ADAM11: variants seen among roughly 807,000 people sequenced by gnomAD.
ADAM11 encodes the protein ADAM metallopeptidase domain 11, also known as disintegrin and metalloproteinase domain-containing protein 11.
ADAM11 carries 49 observed loss-of-function variants against 119.1 expected under a neutral mutation model. That is an observed-to-expected ratio of 0.41 (90% confidence interval 0.33 to 0.52). The LOEUF is 0.52. Ranked by LOEUF, ADAM11 falls within the 20% of genes least tolerant of loss-of-function variation. The probability of loss-of-function intolerance (pLI) is 0.20; values close to 1 mark genes in which losing one functional copy is unlikely to be tolerated. For missense variants in ADAM11, 777 were observed against 1,047.5 expected, an observed-to-expected ratio of 0.74 and a Z score of 3.56; for synonymous variants, 364 against 408.0, an observed-to-expected ratio of 0.89 and a Z score of 1.30.
chr17:44,781,481 T>TG lies in ADAM11; in HGVS notation c.*1728dup, dbSNP rs2145257110. 1 of 152,438 alleles carries TG rather than the reference T, an allele frequency of 6.6e-6. No homozygotes were observed. The highest frequency in any genetic ancestry group is 1.9e-4 in the East Asian group (1 of 5,184). 9.4% of individuals were successfully genotyped at this position (152,438 alleles called of 1,614,324 possible). A position where few individuals can be genotyped will look rare whatever the true frequency, so the allele number is the denominator to read the frequency against. ...TATTGCTGCGCTGCCTTAAGGCATC[T>TG]GTCCTCTGGTGGTGCACCCGTGCAC... On this transcript the variant is annotated 3_prime_UTR_variant, in exon 27 of 27. Coordinates refer to ENST00000200557, the MANE Select transcript of ADAM11 (RefSeq NM_002390.6).
chr17:44,774,805 G>A, intron 14 of ADAM11, 56 bp downstream of exon 14: 5 of 1,574,576 alleles, frequency 3.2e-6, no homozygotes, highest in South Asian at 2.4e-5. Flanking sequence ...GTCTTAGAGC[G>A]AGCATTGTTT....
rs751824828 is a variant in ADAM11, at chr17:44,773,382, G to A, written c.947G>A (p.Arg316Gln). The A allele has an allele frequency of 2.2e-5, 35 of 1,613,786 alleles. No homozygotes were observed. Among genetic ancestry groups the A allele is most frequent in the East Asian group, 1.6e-4 (7 of 44,894 alleles). ...ACCCTGGCCCGGCTCATGGTCTACC[G>A]ACGGGAGGGTCTGCCTGAGCCCAGT... is the stretch of plus-strand genomic sequence containing the variant. ...LETLARLMVY[R>Q]REGLPEPSDA... Residue 316 changes from arginine (R) to glutamine (Q), a missense_variant, in exon 11 of 27, where the codon CGA becomes CAA. By Grantham distance (43) the Arg-to-Gln change is conservative. Coordinates refer to ENST00000200557, the MANE Select transcript of ADAM11 (RefSeq NM_002390.6). The surrounding 1 kb of genome is among the most constrained non-coding windows in gnomAD (Gnocchi z 4.6).
Position 44,773,153 on chromosome 17 carries a change from G to A in ADAM11, c.825+68G>A. The A allele has an allele frequency of 6.3e-7, 1 of 1,594,860 alleles. No homozygotes were observed. Among genetic ancestry groups the A allele is most frequent in the Non-Finnish European group, 8.6e-7 (1 of 1,164,108 alleles). Reference sequence around the variant, plus strand: ...CCCACCCCACCACACACATTAGGGGGCACTGTCAGCCCCTGGCTCCCACTT... The same window carrying A: ...CCCACCCCACCACACACATTAGGGGACACTGTCAGCCCCTGGCTCCCACTT... On this transcript the variant is annotated intron_variant, in intron 10 of 26. Coordinates refer to ENST00000200557, the MANE Select transcript of ADAM11 (RefSeq NM_002390.6). The surrounding 1 kb of genome is among the most constrained non-coding windows in gnomAD (Gnocchi z 4.6).
At position 44,776,732 on chromosome 17, in the gene ADAM11, C is replaced by T. The variant is rs1242300520; in HGVS notation, c.1567-13C>T. 1.2e-6 allele frequency: 2 copies of T among 1,614,018 alleles called. No individual in the cohort carries two copies. The highest frequency in any genetic ancestry group is 2.2e-5 in the East Asian group (1 of 44,882). ...TGGGACTGCTCCGCTCAACCCCACC[C>T]CTCTCTCCACAGTGCCCGCCTAACC... is the stretch of plus-strand genomic sequence containing the variant. On this transcript the variant is annotated splice_polypyrimidine_tract_variant and intron_variant, in intron 18 of 26. Coordinates refer to ENST00000200557, the MANE Select transcript of ADAM11 (RefSeq NM_002390.6). The surrounding 1 kb of genome is among the most constrained non-coding windows in gnomAD (Gnocchi z 5.2).
At chr17:44,771,017 G>A (rs992296954) in intron 4 of ADAM11, among the ~76,000 whole-genome samples, 36 of 152,180 alleles carry the variant, frequency 2.4e-4, no homozygotes, top group African/African-American at 8.7e-4. Context: ...GGGAGGCTGA[G>A]GCAGAAGAAT....
At chr17:44,762,986 A>AAT (rs1555551172) in intron 2 of ADAM11, among the ~76,000 whole-genome samples, 6 of 151,582 alleles carry the variant, frequency 4.0e-5, no homozygotes, top group African/African-American at 1.5e-4. Flanking sequence ...AAAAAAAAAA[A>AAT]TTACCCAAGC....
In ADAM11 at chr17:44,776,867, C is replaced by T. The variant is rs1449565121; in HGVS notation, c.1618-32C>T. ...CTCCACTCTGACCACTCAGCATCTC[C>T]ATCCCTTGCCTCTTAATTCTTGGAC... is the stretch of plus-strand genomic sequence containing the variant. On this transcript the variant is annotated intron_variant, in intron 19 of 26. Transcript: ENST00000200557. This position sits in a 1 kb window ranked among gnomAD's most constrained non-coding sequence, Gnocchi z 5.2. 1.2e-6 allele frequency: 2 copies of T among 1,613,522 alleles called. No individual in the cohort carries two copies. The highest frequency in any genetic ancestry group is 1.3e-5 in the African/African-American group (1 of 74,926).
At position 44,778,140 on chromosome 17, in the gene ADAM11, C is replaced by G; in HGVS notation, c.2186-12C>G. On this transcript the variant is annotated splice_polypyrimidine_tract_variant and intron_variant, in intron 24 of 26. Coordinates refer to ENST00000200557, the MANE Select transcript of ADAM11 (RefSeq NM_002390.6). ...CCTGTCCTTGCCAGCTAAGCCCTGC[C>G]ATCCTCCCCAGGTCCCAGCGGCACC... is the stretch of plus-strand genomic sequence containing the variant. 6.2e-7 allele frequency: 1 copy of G among 1,613,144 alleles called. No homozygotes were observed. Among genetic ancestry groups the G allele is most frequent in the Non-Finnish European group, 8.5e-7 (1 of 1,179,460 alleles).
intron 6 of ADAM11, 43 bp downstream of exon 6, chr17:44,771,874 G>T (rs766883297): frequency 6.3e-7 from 1 of 1,576,332 alleles, no homozygotes; most frequent in Non-Finnish European, 8.6e-7. Flanking sequence ...TGGTGGCCCT[G>T]CCAAGCTTGT....
rs1269933652 is a variant in ADAM11, at chr17:44,775,889, C to G, written c.1485+213C>G. On this transcript the variant is annotated intron_variant, in intron 17 of 26. Transcript: ENST00000200557. The surrounding 1 kb of genome is among the most constrained non-coding windows in gnomAD (Gnocchi z 7.5). ...TACGAGGAGCGGGAAGGGAAGGCTG[C>G]CCAGAATCAAGGAGGGGCGGGAAGG... Among the ~76,000 whole-genome samples the G allele has an allele frequency of 6.6e-6, 1 of 151,840 alleles. No individual in the cohort carries two copies. Among genetic ancestry groups the G allele is most frequent in the East Asian group, 1.9e-4 (1 of 5,156 alleles).
intron 2 of ADAM11, among the ~76,000 whole-genome samples, chr17:44,766,279 C>G (rs1268901983): frequency 6.6e-6 from 1 of 152,208 alleles, no homozygotes; most frequent in African/African-American, 2.4e-5. Context: ...GGTCTCCCTT[C>G]TCGAATTTCC....
In ADAM11 at chr17:44,769,967, C is replaced by T. The variant is rs374170851; in HGVS notation, c.315-15C>T. On this transcript the variant is annotated splice_polypyrimidine_tract_variant and intron_variant, in intron 3 of 26. Coordinates refer to ENST00000200557, the MANE Select transcript of ADAM11 (RefSeq NM_002390.6). Reference sequence around the variant, plus strand: ...TCGCCCGTGACCCCCCTTCCTGCTGCCCCCTCTGTCTCAGCCACCTCCTCT... The same window carrying T: ...TCGCCCGTGACCCCCCTTCCTGCTGTCCCCTCTGTCTCAGCCACCTCCTCT... 6.2e-6 allele frequency: 10 copies of T among 1,613,862 alleles called. No individual in the cohort carries two copies. The African/African-American group carries it at 1.1e-4, about 17-fold the overall frequency.
chr17:44,776,765 G>A lies in ADAM11; in HGVS notation c.1587G>A (p.Lys529=). 1.9e-6 allele frequency: 3 copies of A among 1,614,152 alleles called. No individual in the cohort carries two copies. Among genetic ancestry groups the A allele is most frequent in the South Asian group, 1.1e-5 (1 of 91,086 alleles). The stretch of plus-strand genomic sequence containing the variant: ...CACAGTGCCCGCCTAACCTGCACAA[G>A]CTGGACGGTTACTACTGTGACCATG... The part of the protein sequence containing the change: ...DSSQCPPNLH[K]LDGYYCDHEQ... The change falls in exon 19 of 27, where the codon AAG becomes AAA. Residue 529 remains lysine, a synonymous_variant. Coordinates refer to ENST00000200557, the MANE Select transcript of ADAM11 (RefSeq NM_002390.6). This position sits in a 1 kb window ranked among gnomAD's most constrained non-coding sequence, Gnocchi z 5.2.
At chr17:44,759,351 T>C in intron 1 of ADAM11, 91 bp downstream of exon 1, 1 of 1,283,420 alleles carries the variant, frequency 7.8e-7, no homozygotes. Flanking sequence ...TTTCCTGCAG[T>C]GCTCGGGGTG....
intron 2 of ADAM11, 100 bp from the exon 3 acceptor site, chr17:44,769,618 G>GC: frequency 2.6e-6 from 2 of 782,508 alleles, no homozygotes; most frequent in African/African-American, 1.7e-5. Context: ...GCTAGGGCTG[G>GC]CCACCCCTTC....
At position 44,772,766 on chromosome 17, in the gene ADAM11, C is replaced by G; in HGVS notation, c.679-91C>G. The G allele has an allele frequency of 2.6e-6, 3 of 1,174,962 alleles. No homozygotes were observed. The highest frequency in any genetic ancestry group is 3.7e-6 in the Non-Finnish European group (3 of 803,602). 72.8% of individuals were successfully genotyped at this position (1,174,962 alleles called of 1,614,324 possible). On this transcript the variant is annotated intron_variant, in intron 8 of 26. Coordinates refer to ENST00000200557, the MANE Select transcript of ADAM11 (RefSeq NM_002390.6). The surrounding 1 kb of genome is among the most constrained non-coding windows in gnomAD (Gnocchi z 4.5). ...CACTGTCCCTGGCTGGAGTCCAGAC[C>G]CCCCCATCCCCACCGAGTCTGTTCC... is the stretch of plus-strand genomic sequence containing the variant.
rs1158996609 is a variant in ADAM11 at position 44,770,488 on chromosome 17, T to TCACCCCC, written c.381+441_381+442insACCCCCC. 6.5e-3 allele frequency among the ~76,000 whole-genome samples: 394 copies of TCACCCCC among 60,218 alleles called. 28 individuals carry two copies. The highest frequency in any genetic ancestry group is 0.02 in the African/African-American group (378 of 18,778). 39.5% of individuals were successfully genotyped at this position (60,218 alleles called of 152,430 possible). ...AATGAGTGTCTATAAATAGCCTGTC[T>TCACCCCC]CCCCCCCCCCCGCCCCCACTGCCTG... On this transcript the variant is annotated intron_variant, in intron 4 of 26. Transcript: ENST00000200557.
At chr17:44,774,622 C>G (rs771192149) in intron 13 of ADAM11, 40 bp downstream of exon 13, 1 of 1,604,508 alleles carries the variant, frequency 6.2e-7, no homozygotes, top group South Asian at 1.1e-5. Flanking sequence ...CCACGCCCAG[C>G]AGCTCTGGAA....
rs2049624429 is a variant in ADAM11 at position 44,777,748 on chromosome 17, GCACAGC to G, written c.1957_1962del (p.Thr653_Ala654del). Reference sequence around the variant, plus strand: ...TCTGACCTGAGCTATGTGGAGGATGGCACAGCCTGCGGGCCTAACATGTTGTGCCTG... The same window carrying G: ...TCTGACCTGAGCTATGTGGAGGATGGCTGCGGGCCTAACATGTTGTGCCTG... On this transcript the variant is annotated inframe_deletion, in exon 23 of 27. Transcript: ENST00000200557. The surrounding 1 kb of genome is among the most constrained non-coding windows in gnomAD (Gnocchi z 5.1). 1 of 1,613,858 alleles carries G rather than the reference GCACAGC, an allele frequency of 6.2e-7. No individual in the cohort carries two copies.
Sources: allele counts gnomAD v4.1 joint callset (sites outside exome capture counted in the v4.1 genomes callset), GRCh38; gene constraint gnomAD v4.1.1; non-coding constraint Gnocchi (gnomAD v3.1); transcripts MANE v1.5; gene names NCBI Gene and HGNC (gene_info 2026-07-23, HGNC 2026-07-21).